RBFOX1: variants seen among roughly 807,000 people sequenced by gnomAD.
RBFOX1 encodes RNA binding fox-1 homolog 1, also known as RNA binding protein fox-1 homolog 1.
A neutral mutation model predicts 57.7 loss-of-function variants in RBFOX1; 8 were observed. The ratio of observed to expected loss-of-function variants is 0.14; its 90% CI spans 0.08 to 0.25. RBFOX1 has a LOEUF of 0.25. Among genes scored for constraint, RBFOX1 ranks in the 10% least tolerant of loss-of-function variants. The pLI, the probability that RBFOX1 is intolerant of heterozygous loss-of-function variation, is 1.00. For missense variants in RBFOX1, 611 were observed against 548.5 expected (o/e 1.11, Z -1.14); for synonymous variants, 326 against 222.4 (o/e 1.47, Z -4.15).
Position 6,939,630 on chromosome 16 carries a change from A to T in RBFOX1, c.-15-112427A>T, listed in dbSNP as rs564322877. Among the ~76,000 whole-genome samples, 16 of 151,700 alleles carry T rather than the reference A, an allele frequency of 1.1e-4. No individual in the cohort carries two copies. In the East Asian group the frequency reaches 2.5e-3, roughly 24 times the overall value. ...AAGTTCACTTGATTCTCATGCCTCA[A>T]CCACCTGAGTAGCTGCGATTACAGC... is the stretch of plus-strand genomic sequence containing the variant. On this transcript the variant is annotated intron_variant, in intron 3 of 15. Transcript: ENST00000550418.
At position 7,710,818 on chromosome 16, in the gene RBFOX1, G is replaced by T; in HGVS notation, c.*73G>T. Reference sequence around the variant, plus strand: ...CCGAGGCCTGAGTATTGCAATACATGCAGTAGTACATCATTTTAGCAACTC... The same window carrying T: ...CCGAGGCCTGAGTATTGCAATACATTCAGTAGTACATCATTTTAGCAACTC... On this transcript the variant is annotated 3_prime_UTR_variant, in exon 16 of 16. Transcript: ENST00000550418. 8.0e-7 allele frequency: 1 copy of T among 1,254,234 alleles called. No homozygotes were observed. Among genetic ancestry groups the T allele is most frequent in the Non-Finnish European group, 1.0e-6 (1 of 955,318 alleles). The allele number at this position is 1,254,234 out of a possible 1,614,324, so 77.7% of individuals were successfully genotyped here.
chr16:5,927,000 A>G (rs2058952822), intron 4 of RBFOX1, among the ~76,000 whole-genome samples: 1 of 152,194 alleles, frequency 6.6e-6, no homozygotes, highest in Non-Finnish European at 1.5e-5. Flanking sequence ...CAGTGTCCCA[A>G]AATGTACTTT....
intron 5 of RBFOX1, among the ~76,000 whole-genome samples, chr16:7,543,840 T>A (rs1294649331): frequency 6.6e-6 from 1 of 151,980 alleles, no homozygotes; most frequent in African/African-American, 2.4e-5. Context: ...CCTGCCTCAC[T>A]CTCCCGAGTA....
chr16:6,348,780 C>G (rs967700279), intron 2 of RBFOX1, among the ~76,000 whole-genome samples: 1 of 152,178 alleles, frequency 6.6e-6, no homozygotes, highest in Admixed American at 6.5e-5. Flanking sequence ...GAAGGATCCA[C>G]ACCCTTGATC....
chr16:5,788,013 C>T (rs538188544), intron 3 of RBFOX1, among the ~76,000 whole-genome samples: 3 of 152,294 alleles, frequency 2.0e-5, no homozygotes, highest in African/African-American at 7.2e-5. Flanking sequence ...GGAAATGAAG[C>T]GACCTTGTTT....
chr16:7,018,084 C>G (rs760220591), intron 3 of RBFOX1, among the ~76,000 whole-genome samples: 1 of 151,992 alleles, frequency 6.6e-6, no homozygotes, highest in Admixed American at 6.6e-5. Context: ...TGCATGTACA[C>G]CCAGCTGTTT....
chr16:6,669,209 G>C lies in RBFOX1; in HGVS notation c.-16+14559G>C, dbSNP rs1333904872. Among the ~76,000 whole-genome samples, 5 of 152,146 alleles carry C rather than the reference G, an allele frequency of 3.3e-5. No individual in the cohort carries two copies. The East Asian group carries it at 5.8e-4, about 18-fold the overall frequency. On this transcript the variant is annotated intron_variant, in intron 3 of 15. Coordinates refer to ENST00000550418, the MANE Select transcript of RBFOX1 (RefSeq NM_018723.4). ...TAGGTTGCTGGAAAAATTTGTGATG[G>C]AACGTGATGCAATAACAACAGAATT...
At chr16:5,711,492 G>A (rs888184408) in intron 3 of RBFOX1, among the ~76,000 whole-genome samples, 2 of 152,208 alleles carry the variant, frequency 1.3e-5, no homozygotes, top group African/African-American at 4.8e-5. Flanking sequence ...TCACTGTGAA[G>A]TGACAGTTGG....
chr16:6,043,336 C>G (rs546646798), intron 1 of RBFOX1, among the ~76,000 whole-genome samples: 1 of 152,118 alleles, frequency 6.6e-6, no homozygotes, highest in East Asian at 1.9e-4. Context: ...GGAGGTTCTT[C>G]ATAGATTCAG....
At chr16:7,592,588 C>T (rs1294791129) in intron 7 of RBFOX1, among the ~76,000 whole-genome samples, 1 of 152,064 alleles carries the variant, frequency 6.6e-6, no homozygotes, top group East Asian at 1.9e-4. Context: ...TCTTTTCTTG[C>T]CGGGAGAGAA....
intron 4 of RBFOX1, among the ~76,000 whole-genome samples, chr16:7,312,553 G>T (rs188518916): frequency 6.6e-6 from 1 of 152,118 alleles, no homozygotes; most frequent in Non-Finnish European, 1.5e-5. Flanking sequence ...GTGTCACTCC[G>T]GGTCTTCTTG....
intron 2 of RBFOX1, among the ~76,000 whole-genome samples, chr16:6,586,294 A>G (rs890255499): frequency 3.3e-5 from 5 of 152,200 alleles, no homozygotes; most frequent in South Asian, 2.1e-4. Flanking sequence ...AGTGTATTCT[A>G]TATTGTGCAT....
intron 1 of RBFOX1, among the ~76,000 whole-genome samples, chr16:5,349,184 A>G (rs1018802945): frequency 6.6e-6 from 1 of 152,214 alleles, no homozygotes; most frequent in African/African-American, 2.4e-5. Flanking sequence ...GAAGTAAACC[A>G]ATCACCGAAG....
At chr16:6,557,010 TATATAC>T (rs1298890369) in intron 2 of RBFOX1, among the ~76,000 whole-genome samples, 1 of 137,252 alleles carries the variant, frequency 7.3e-6, no homozygotes, top group Non-Finnish European at 1.5e-5. Context: ...TATATACATA[TATATAC>T]ATATATATAC....
chr16:6,193,389 ATAC>A (rs1424748183), intron 1 of RBFOX1, among the ~76,000 whole-genome samples: 2 of 29,834 alleles, frequency 6.7e-5, no homozygotes, highest in African/African-American at 1.8e-4. Context: ...TTATATATAT[ATAC>A]TATATATATA....
At chr16:7,101,832 A>G (rs575102621) in intron 4 of RBFOX1, among the ~76,000 whole-genome samples, 1 of 152,228 alleles carries the variant, frequency 6.6e-6, no homozygotes, top group South Asian at 2.1e-4. Flanking sequence ...GGGATTTCCA[A>G]GGCTCTTGTC....
chr16:5,299,616 C>T (rs763018814), intron 1 of RBFOX1, among the ~76,000 whole-genome samples: 1 of 152,150 alleles, frequency 6.6e-6, no homozygotes, highest in Non-Finnish European at 1.5e-5. Flanking sequence ...TTGATTACAG[C>T]CATTTCAGTC....
At chr16:7,216,544 G>C (rs1371000715) in intron 4 of RBFOX1, among the ~76,000 whole-genome samples, 1 of 152,126 alleles carries the variant, frequency 6.6e-6, no homozygotes, top group Non-Finnish European at 1.5e-5. Flanking sequence ...TAAATATAAT[G>C]ATAGGAGTAA....
rs549081699 is a variant in RBFOX1, at chr16:5,867,372, G to A, written c.351+37G>A. 1.8e-5 allele frequency: 20 copies of A among 1,142,096 alleles called. No individual in the cohort carries two copies. In the South Asian group the frequency reaches 8.0e-4, roughly 46 times the overall value. The allele number at this position is 1,142,096 out of a possible 1,614,324, so 70.7% of individuals were successfully genotyped here. A position where few individuals can be genotyped will look rare whatever the true frequency, so the allele number is the denominator to read the frequency against. ...GGTTTTTCTGTCCCTTTAGAAGATAGTTTGAAGTGGGTTTCTTTTGTGATG... is the reference window on the plus strand; with the variant it reads ...GGTTTTTCTGTCCCTTTAGAAGATAATTTGAAGTGGGTTTCTTTTGTGATG... On this transcript the variant is annotated intron_variant, in intron 4 of 19. Coordinates refer to the RBFOX1 transcript ENST00000641259.
Sources: allele counts gnomAD v4.1 joint callset (sites outside exome capture counted in the v4.1 genomes callset), GRCh38; gene constraint gnomAD v4.1.1; transcripts MANE v1.5; gene names NCBI Gene and HGNC (gene_info 2026-07-23, HGNC 2026-07-21).